KCNIP1: variants seen among roughly 807,000 people sequenced by gnomAD.
KCNIP1 encodes A-type potassium channel modulatory protein KCNIP1.
Under a neutral mutation model 33.0 loss-of-function variants are expected in KCNIP1, and 18 were observed. The observed-to-expected ratio is 0.55, with a 90% CI of 0.38 to 0.81. The LOEUF is 0.81. Ranked by LOEUF, KCNIP1 falls within the 30% of genes least tolerant of loss-of-function variation. The probability of loss-of-function intolerance (pLI) is 0.00; values close to 1 mark genes in which losing one functional copy is unlikely to be tolerated. For missense variants in KCNIP1, 238 were observed against 271.6 expected (o/e 0.88, Z 0.87); for synonymous variants, 93 against 98.3 (o/e 0.95, Z 0.32).
intron 7 of KCNIP1, 72 bp from the exon 8 acceptor site, chr5:170,735,687 G>A (rs1468187647): frequency 7.6e-7 from 1 of 1,308,544 alleles, no homozygotes; most frequent in East Asian, 2.3e-5. Context: ...CTTGACATTT[G>A]CTCACCAGAG....
intron 1 of KCNIP1, among the ~76,000 whole-genome samples, chr5:170,532,419 C>T (rs1387931007): frequency 6.6e-6 from 1 of 152,172 alleles, no homozygotes. Context: ...ATTGACATGT[C>T]CTCGACTCCC....
intron 1 of KCNIP1, among the ~76,000 whole-genome samples, chr5:170,511,174 A>C (rs1007350156): frequency 1.3e-5 from 2 of 152,198 alleles, no homozygotes; most frequent in Admixed American, 1.3e-4. Flanking sequence ...GCACCATTGC[A>C]CTCCAGCCTG....
intron 1 of KCNIP1, among the ~76,000 whole-genome samples, chr5:170,554,787 C>G (rs151081173): frequency 2.7e-3 from 411 of 152,272 alleles, no homozygotes; most frequent in African/African-American, 9.5e-3. Flanking sequence ...GTGTCATGCT[C>G]TCCTTCCCTC....
intron 1 of KCNIP1, among the ~76,000 whole-genome samples, chr5:170,608,329 C>T (rs1330386680): frequency 6.6e-6 from 1 of 152,174 alleles, no homozygotes; most frequent in Admixed American, 6.5e-5. Flanking sequence ...GGCTTCATGT[C>T]ATAGTATTGT....
rs746387350 is a variant in KCNIP1, at chr5:170,593,082, A to G, written c.61+88449A>G. Among the ~76,000 whole-genome samples the G allele has an allele frequency of 4.5e-4, 68 of 152,218 alleles. 2 individuals carry two copies. The highest frequency in any genetic ancestry group is 1.2e-4 in the Non-Finnish European group (8 of 68,032). On this transcript the variant is annotated intron_variant, in intron 1 of 7. Transcript: ENST00000328939. ...CATACTGGTTGCCTCAGAGGTCAAG[A>G]AAATTGGCTCATTTACTTCTGTAAC...
intron 1 of KCNIP1, among the ~76,000 whole-genome samples, chr5:170,644,185 A>T (rs1170198421): frequency 6.6e-6 from 1 of 152,166 alleles, no homozygotes; most frequent in Non-Finnish European, 1.5e-5. Flanking sequence ...CCTTCATCCC[A>T]TTCTTTCTGC....
chr5:170,633,362 TA>T (rs1760138414), intron 1 of KCNIP1, among the ~76,000 whole-genome samples: 2 of 151,710 alleles, frequency 1.3e-5, no homozygotes, highest in Non-Finnish European at 2.9e-5. Flanking sequence ...GAGCAAATTT[TA>T]AAAATTAAGT....
intron 1 of KCNIP1, among the ~76,000 whole-genome samples, chr5:170,629,775 C>T (rs906753862): frequency 6.6e-6 from 1 of 152,212 alleles, no homozygotes; most frequent in African/African-American, 2.4e-5. Context: ...CTAGTAAGGG[C>T]ACCAAATGCA....
intron 1 of KCNIP1, chr5:170,383,345 C>T: frequency 1.7e-6 from 1 of 578,790 alleles, no homozygotes; most frequent in Non-Finnish European, 3.1e-6. Context: ...ACTATCCACT[C>T]AGCATCAAGC....
At chr5:170,599,306 G>A (rs1243544686) in intron 1 of KCNIP1, among the ~76,000 whole-genome samples, 3 of 152,098 alleles carry the variant, frequency 2.0e-5, no homozygotes, top group Non-Finnish European at 2.9e-5. Flanking sequence ...GCAGCACACC[G>A]TGCATCCCTT....
Position 170,504,355 on chromosome 5 carries a change from G to A in KCNIP1, c.-218G>A. The A allele has an allele frequency of 7.2e-7, 1 of 1,396,648 alleles. No homozygotes were observed. 86.5% of individuals were successfully genotyped at this position (1,396,648 alleles called of 1,614,324 possible). Reference sequence around the variant, plus strand: ...GGGAAGCGGTTCCGAAGGCTCGCGGGGAGCGGCTAGCCCTGAGTCCCTGCA... The same window carrying A: ...GGGAAGCGGTTCCGAAGGCTCGCGGAGAGCGGCTAGCCCTGAGTCCCTGCA... On this transcript the variant is annotated 5_prime_UTR_variant, in exon 1 of 8. Coordinates refer to ENST00000328939, the MANE Select transcript of KCNIP1 (RefSeq NM_014592.4). This position sits in a 1 kb window ranked among gnomAD's most constrained non-coding sequence, Gnocchi z 6.0.
intron 1 of KCNIP1, among the ~76,000 whole-genome samples, chr5:170,701,647 C>A (rs1763103875): frequency 6.6e-6 from 1 of 152,196 alleles, no homozygotes; most frequent in Admixed American, 6.5e-5. Context: ...TTACTCGCAG[C>A]CAAGCAAAGG....
chr5:170,462,245 A>G (rs1026741901), intron 1 of KCNIP1, among the ~76,000 whole-genome samples: 1 of 144,890 alleles, frequency 6.9e-6, no homozygotes, highest in African/African-American at 2.6e-5. Flanking sequence ...AGAATCTACA[A>G]CAAACTCAAA....
intron 1 of KCNIP1, among the ~76,000 whole-genome samples, chr5:170,620,999 C>T (rs143934319): frequency 6.6e-6 from 1 of 152,284 alleles, no homozygotes; most frequent in Non-Finnish European, 1.5e-5. Flanking sequence ...TCACTGGTCA[C>T]ACTGGGAAGC....
At chr5:170,428,424 CTTTT>C (rs11423617) in intron 1 of KCNIP1, among the ~76,000 whole-genome samples, 1 of 148,992 alleles carries the variant, frequency 6.7e-6, no homozygotes, top group Admixed American at 6.7e-5. Flanking sequence ...TTAATGCTGT[CTTTT>C]TTTTTTTTTA....
chr5:170,482,560 C>T (rs999172767), intron 1 of KCNIP1, among the ~76,000 whole-genome samples: 12 of 152,122 alleles, frequency 7.9e-5, no homozygotes, highest in African/African-American at 1.2e-4. Context: ...CACAGATGAG[C>T]GGTGGCAGAG....
Position 170,721,952 on chromosome 5 carries a change from C to T in KCNIP1, c.327+49C>T, listed in dbSNP as rs753623179. Reference sequence around the variant, plus strand: ...TAGGGGTCCTCTGGTTCTGCATCACCTCCCCCTCTAAATCTCAAGGCATTG... The same window carrying T: ...TAGGGGTCCTCTGGTTCTGCATCACTTCCCCCTCTAAATCTCAAGGCATTG... On this transcript the variant is annotated intron_variant, in intron 4 of 7. Coordinates refer to ENST00000328939, the MANE Select transcript of KCNIP1 (RefSeq NM_014592.4). 3.7e-6 allele frequency: 6 copies of T among 1,603,272 alleles called. No homozygotes were observed. In the African/African-American group the frequency reaches 8.0e-5, roughly 21 times the overall value.
intron 1 of KCNIP1, among the ~76,000 whole-genome samples, chr5:170,648,052 T>C (rs1033633240): frequency 1.1e-4 from 16 of 152,218 alleles, no homozygotes; most frequent in South Asian, 2.1e-4. Context: ...CATTAGGGAA[T>C]TGCTAATTAA....
chr5:170,506,478 GGGAAAAGAGTAA>G (rs970651150), intron 1 of KCNIP1, among the ~76,000 whole-genome samples: 3 of 152,126 alleles, frequency 2.0e-5, no homozygotes, highest in Non-Finnish European at 4.4e-5. Context: ...GCATAGGGCT[GGGAAAAGAGTAA>G]GAGCTCAGAC....
Sources: allele counts gnomAD v4.1 joint callset (sites outside exome capture counted in the v4.1 genomes callset), GRCh38; gene constraint gnomAD v4.1.1; non-coding constraint Gnocchi (gnomAD v3.1); transcripts MANE v1.5; gene names NCBI Gene and HGNC (gene_info 2026-07-23, HGNC 2026-07-21).